ATP8A2: variants seen among roughly 807,000 people sequenced by gnomAD.
ATP8A2 encodes the protein ATPase phospholipid transporting 8A2, also known as phospholipid-transporting ATPase IB.
Under a neutral mutation model 165.6 loss-of-function variants are expected in ATP8A2, and 100 were observed. The ratio of observed to expected loss-of-function variants is 0.60; its 90% CI spans 0.51 to 0.71. The LOEUF (loss-of-function observed/expected upper bound fraction) is 0.71. Among genes scored for constraint, ATP8A2 ranks in the 30% least tolerant of loss-of-function variants. The pLI is 0.00. For missense variants in ATP8A2, 1,227 were observed against 1,479.5 expected (o/e 0.83, Z 2.80); for synonymous variants, 543 against 548.8 (o/e 0.99, Z 0.15).
intron 24 of ATP8A2, among the ~76,000 whole-genome samples, chr13:25,663,376 A>C (rs1388103084): frequency 6.6e-6 from 1 of 152,218 alleles, no homozygotes; most frequent in Non-Finnish European, 1.5e-5. Flanking sequence ...ATTGCTGGGC[A>C]AATCTCATTT....
intron 30 of ATP8A2, among the ~76,000 whole-genome samples, chr13:25,853,208 G>T (rs1230476532): frequency 6.6e-6 from 1 of 151,604 alleles, no homozygotes; most frequent in African/African-American, 2.4e-5. Context: ...GGCCAATATG[G>T]TGAAACCCCG....
chr13:25,648,921 A>G, intron 24 of ATP8A2: 1 of 418,958 alleles, frequency 2.4e-6, no homozygotes. Flanking sequence ...TGGCGGGCTG[A>G]CTATTATGAC....
chr13:25,557,236 A>G (rs1403413680), intron 13 of ATP8A2, among the ~76,000 whole-genome samples: 2 of 152,244 alleles, frequency 1.3e-5, no homozygotes, highest in African/African-American at 4.8e-5. Context: ...GATTGTTATT[A>G]CAGAGAATGT....
rs140761185 is a variant in ATP8A2, at chr13:25,943,091, G to A, written c.3184-18484G>A. ...GCTCTGTGTGCTCCATTAGAGGAACGAGAGCATGCGCCTCCAGGGTTTGAA... is the reference window on the plus strand; with the variant it reads ...GCTCTGTGTGCTCCATTAGAGGAACAAGAGCATGCGCCTCCAGGGTTTGAA... On this transcript the variant is annotated intron_variant, in intron 33 of 36. Transcript: ENST00000381655. Among the ~76,000 whole-genome samples, 767 of 152,230 alleles carry A rather than the reference G, an allele frequency of 5.0e-3. 6 individuals carry two copies. Among genetic ancestry groups the A allele is most frequent in the African/African-American group, 0.016 (671 of 41,566 alleles).
At chr13:25,477,206 C>G (rs1160936965) in intron 2 of ATP8A2, among the ~76,000 whole-genome samples, 1 of 152,118 alleles carries the variant, frequency 6.6e-6, no homozygotes, top group African/African-American at 2.4e-5. Context: ...AAAATCTGTG[C>G]CATTTCCACT....
At chr13:25,400,844 T>C (rs1240394183) in intron 1 of ATP8A2, among the ~76,000 whole-genome samples, 3 of 152,308 alleles carry the variant, frequency 2.0e-5, no homozygotes, top group East Asian at 3.9e-4. Context: ...AAGGCCGGCA[T>C]TGTGGGACCA....
chr13:25,457,192 G>A (rs1395457119), intron 1 of ATP8A2, among the ~76,000 whole-genome samples: 3 of 152,168 alleles, frequency 2.0e-5, no homozygotes, highest in African/African-American at 7.2e-5. Flanking sequence ...GCTAAAGCCT[G>A]TGAGTCTGGA....
intron 24 of ATP8A2, among the ~76,000 whole-genome samples, chr13:25,697,586 A>G (rs557056823): frequency 1.8e-4 from 27 of 152,314 alleles, no homozygotes; most frequent in African/African-American, 6.3e-4. Context: ...TGGCCCAGAT[A>G]GGGGAAATTC....
chr13:25,554,795 A>G (rs1012044283), intron 12 of ATP8A2, among the ~76,000 whole-genome samples, 196 bp from the exon 13 acceptor site: 1 of 152,086 alleles, frequency 6.6e-6, no homozygotes, highest in Non-Finnish European at 1.5e-5. Flanking sequence ...CCTGACTTCA[A>G]GTGATCTGGC....
At chr13:25,883,544 C>CA (rs1298802399) in intron 33 of ATP8A2, among the ~76,000 whole-genome samples, 1 of 152,222 alleles carries the variant, frequency 6.6e-6, no homozygotes, top group Non-Finnish European at 1.5e-5. Context: ...GCCCTAGGTT[C>CA]ACAGCAATTC....
chr13:25,925,845 A>G (rs1954590724), intron 33 of ATP8A2, among the ~76,000 whole-genome samples: 1 of 151,358 alleles, frequency 6.6e-6, no homozygotes, highest in South Asian at 2.1e-4. Flanking sequence ...CTCCTGTCTC[A>G]GCCTCCCAAG....
chr13:25,882,455 A>G (rs1953009134), intron 33 of ATP8A2, among the ~76,000 whole-genome samples: 1 of 152,186 alleles, frequency 6.6e-6, no homozygotes, highest in Non-Finnish European at 1.5e-5. Flanking sequence ...ACCTGTTCGC[A>G]TCCACTTTTT....
At chr13:25,490,336 T>G (rs1451889340) in intron 2 of ATP8A2, among the ~76,000 whole-genome samples, 2 of 152,210 alleles carry the variant, frequency 1.3e-5, no homozygotes, top group Non-Finnish European at 2.9e-5. Flanking sequence ...CACAGCACTT[T>G]CCTTAGAAGC....
intron 1 of ATP8A2, among the ~76,000 whole-genome samples, chr13:25,410,042 C>T (rs1484076024): frequency 6.7e-6 from 1 of 149,902 alleles, no homozygotes; most frequent in East Asian, 2.0e-4. Context: ...CTAATGGGTT[C>T]AGCCATTAGG....
At chr13:25,764,766 G>A (rs2044455909) in intron 25 of ATP8A2, among the ~76,000 whole-genome samples, 1 of 152,220 alleles carries the variant, frequency 6.6e-6, no homozygotes, top group African/African-American at 2.4e-5. Context: ...AAAGAATTTT[G>A]TGAGTCTGGT....
chr13:25,705,548 A>G (rs2043039122), intron 25 of ATP8A2, among the ~76,000 whole-genome samples: 1 of 152,218 alleles, frequency 6.6e-6, no homozygotes, highest in African/African-American at 2.4e-5. Context: ...AGATTCAAAG[A>G]TAAACATGTA....
At chr13:25,773,696 G>A (rs765963001) in intron 26 of ATP8A2, among the ~76,000 whole-genome samples, 3 of 152,174 alleles carry the variant, frequency 2.0e-5, no homozygotes, top group Non-Finnish European at 2.9e-5. Flanking sequence ...CAAAGTGTGT[G>A]TGTGTCTTAG....
intron 24 of ATP8A2, among the ~76,000 whole-genome samples, chr13:25,601,156 G>T (rs959919003): frequency 6.6e-6 from 1 of 152,176 alleles, no homozygotes; most frequent in South Asian, 2.1e-4. Flanking sequence ...GGCGCTAACA[G>T]GGTGAAACTC....
chr13:25,790,624 G>A lies in ATP8A2; in HGVS notation c.2679+15665G>A, dbSNP rs191680505. 1.3e-3 allele frequency among the ~76,000 whole-genome samples: 200 copies of A among 151,814 alleles called. 1 individual carries two copies. Among genetic ancestry groups the A allele is most frequent in the Non-Finnish European group, 1.8e-3 (125 of 67,924 alleles). On this transcript the variant is annotated intron_variant, in intron 27 of 36. Coordinates refer to ENST00000381655, the MANE Select transcript of ATP8A2 (RefSeq NM_016529.6). ...GTGGGAGGATCGCTTGAGCCTGAGA[G>A]GTTGAGGTGTGGTGAGCTGTGATTG...
Sources: gnomAD v4.1 joint callset for allele counts (sites outside exome capture counted in the v4.1 genomes callset) on GRCh38, gnomAD v4.1.1 for gene constraint, MANE v1.5 for transcripts, NCBI Gene and HGNC (gene_info 2026-07-23, HGNC 2026-07-21) for gene names.